SAE1: variants seen among roughly 807,000 people sequenced by gnomAD.
SAE1 encodes SUMO-activating enzyme subunit 1.
A neutral mutation model predicts 40.6 loss-of-function variants in SAE1; 11 were observed. The ratio of observed to expected loss-of-function variants is 0.27; its 90% CI spans 0.17 to 0.45. The LOEUF is 0.45. Ranked by LOEUF, SAE1 falls within the 20% of genes least tolerant of loss-of-function variation. The pLI, the probability that SAE1 is intolerant of heterozygous loss-of-function variation, is 1.00. For missense variants in SAE1, 373 were observed against 427.3 expected, an observed-to-expected ratio of 0.87 and a Z score of 1.12; for synonymous variants, 155 against 154.3, an observed-to-expected ratio of 1.00 and a Z score of -0.03.
intron 2 of SAE1, 98 bp from the exon 3 acceptor site, chr19:47,150,104 G>T: frequency 1.3e-6 from 1 of 773,402 alleles, no homozygotes; most frequent in Non-Finnish European, 1.9e-6. Flanking sequence ...AATTTAGGTG[G>T]TAGGTATTTT....
chr19:47,168,692 C>A (rs951181722), intron 5 of SAE1, among the ~76,000 whole-genome samples: 4 of 152,110 alleles, frequency 2.6e-5, no homozygotes, highest in African/African-American at 9.7e-5. Flanking sequence ...AACCTCCCCC[C>A]TCCTAGGTTC....
At chr19:47,170,501 G>GC (rs1379466715) in intron 6 of SAE1, among the ~76,000 whole-genome samples, 58 of 92,988 alleles carry the variant, frequency 6.2e-4, no homozygotes, top group Non-Finnish European at 1.1e-3. Context: ...ACCGCCCCCC[G>GC]CCTTTTTTTT....
At chr19:47,200,234 CT>C (rs776221582) in intron 7 of SAE1, among the ~76,000 whole-genome samples, 428 of 135,674 alleles carry the variant, frequency 3.2e-3, no homozygotes, top group Admixed American at 3.5e-3. Context: ...CGCCCAGCCT[CT>C]TTTTTTTTTT....
At chr19:47,162,070 T>C (rs1360545511) in intron 5 of SAE1, among the ~76,000 whole-genome samples, 1 of 152,236 alleles carries the variant, frequency 6.6e-6, no homozygotes, top group African/African-American at 2.4e-5. Context: ...CATGTGGCCA[T>C]TGGCATCTGT....
chr19:47,177,325 A>G (rs747874730), intron 6 of SAE1, among the ~76,000 whole-genome samples: 35 of 152,234 alleles, frequency 2.3e-4, no homozygotes, highest in South Asian at 1.0e-3. Flanking sequence ...ACAGAGGGCT[A>G]TAGAAACTAT....
chr19:47,133,126 T>G lies in SAE1; in HGVS notation c.98+2098T>G, dbSNP rs1319940806. On this transcript the variant is annotated intron_variant, in intron 1 of 8. Coordinates refer to ENST00000270225, the MANE Select transcript of SAE1 (RefSeq NM_005500.3). ...TGATTGTCAAATTAGAGAAATAAGGTGGCAGGAACCAAATGATTTGAGGAG... is the reference window on the plus strand; with the variant it reads ...TGATTGTCAAATTAGAGAAATAAGGGGGCAGGAACCAAATGATTTGAGGAG... 2.6e-5 allele frequency among the ~76,000 whole-genome samples: 4 copies of G among 152,148 alleles called. No homozygotes were observed. In the East Asian group the frequency reaches 7.7e-4, roughly 29 times the overall value.
intron 5 of SAE1, among the ~76,000 whole-genome samples, chr19:47,161,105 G>A (rs1438451252): frequency 6.6e-6 from 1 of 151,842 alleles, no homozygotes; most frequent in Non-Finnish European, 1.5e-5. Context: ...GGGCTAAAGG[G>A]ATCCTCCCAC....
chr19:47,165,545 G>A (rs2058387264), intron 5 of SAE1, among the ~76,000 whole-genome samples: 1 of 152,152 alleles, frequency 6.6e-6, no homozygotes, highest in African/African-American at 2.4e-5. Context: ...CTGTTTTCAG[G>A]GGTTCATTCC....
intron 7 of SAE1, among the ~76,000 whole-genome samples, chr19:47,199,516 C>T (rs972387008): frequency 7.2e-5 from 11 of 151,936 alleles, no homozygotes; most frequent in Non-Finnish European, 1.2e-4. Context: ...GGAGAGAAAA[C>T]CAGCCAGCAG....
intron 6 of SAE1, among the ~76,000 whole-genome samples, chr19:47,181,882 C>T (rs1031073445): frequency 6.7e-6 from 1 of 148,390 alleles, no homozygotes; most frequent in East Asian, 2.0e-4. Context: ...CAGCTTGCTG[C>T]AGCCTCAGCC....
intron 6 of SAE1, among the ~76,000 whole-genome samples, chr19:47,189,156 A>G (rs2058563112): frequency 6.6e-6 from 1 of 152,178 alleles, no homozygotes; most frequent in African/African-American, 2.4e-5. Flanking sequence ...AGGCTGTTGG[A>G]TAAGAGGTAG....
At chr19:47,147,222 T>G (rs903212199) in intron 2 of SAE1, among the ~76,000 whole-genome samples, 34 of 143,148 alleles carry the variant, frequency 2.4e-4, no homozygotes, top group African/African-American at 9.0e-4. Flanking sequence ...TTTTTTTTTT[T>G]TTTTTGAGGC....
intron 5 of SAE1, among the ~76,000 whole-genome samples, chr19:47,167,162 C>T (rs2058398690): frequency 6.6e-6 from 1 of 151,940 alleles, no homozygotes; most frequent in South Asian, 2.1e-4. Context: ...CCGTGTTGGC[C>T]AGGCTGGTCT....
chr19:47,199,250 G>T (rs2058636553), intron 7 of SAE1, among the ~76,000 whole-genome samples: 1 of 151,756 alleles, frequency 6.6e-6, no homozygotes, highest in Admixed American at 6.6e-5. Flanking sequence ...GCCAGGTGTG[G>T]TGGTGGGTGC....
chr19:47,203,347 C>T (rs1410968220), intron 7 of SAE1, among the ~76,000 whole-genome samples: 1 of 152,154 alleles, frequency 6.6e-6, no homozygotes, highest in Admixed American at 6.5e-5. Context: ...AGAATGTGAC[C>T]AGGGCACTGA....
chr19:47,194,683 G>C (rs75377923), intron 6 of SAE1, among the ~76,000 whole-genome samples: 1 of 151,924 alleles, frequency 6.6e-6, no homozygotes, highest in Non-Finnish European at 1.5e-5. Context: ...CTGCCCGCCC[G>C]CAGGCAGGTT....
rs114482326 is a variant in SAE1, at chr19:47,166,202, G to A, written c.628-3616G>A. Among the ~76,000 whole-genome samples the A allele has an allele frequency of 9.1e-3, 1,383 of 152,266 alleles. 22 individuals carry two copies. The highest frequency in any genetic ancestry group is 0.032 in the African/African-American group (1,310 of 41,560). On this transcript the variant is annotated intron_variant, in intron 5 of 8. Coordinates refer to ENST00000270225, the MANE Select transcript of SAE1 (RefSeq NM_005500.3). ...GTGGGGGTTTGGTGAGAAAGGATGA[G>A]CTGGGTAGCTACACTCAAGTGCAGA...
At chr19:47,153,093 T>TC in intron 4 of SAE1, 53 bp downstream of exon 4, 1 of 1,469,902 alleles carries the variant, frequency 6.8e-7, no homozygotes, top group East Asian at 2.3e-5. Flanking sequence ...TTTTATACTT[T>TC]TTTTTTTTAA....
intron 2 of SAE1, among the ~76,000 whole-genome samples, chr19:47,143,980 C>T (rs2058238796): frequency 6.6e-6 from 1 of 152,184 alleles, no homozygotes; most frequent in Non-Finnish European, 1.5e-5. Flanking sequence ...GGTGCCCTAG[C>T]TTTCACCCCT....
Sources: allele counts gnomAD v4.1 joint callset (sites outside exome capture counted in the v4.1 genomes callset), GRCh38; gene constraint gnomAD v4.1.1; transcripts MANE v1.5; gene names NCBI Gene and HGNC (gene_info 2026-07-23, HGNC 2026-07-21).